The following RBFOX3 variants were observed in gnomAD, a reference collection of about 807,000 sequenced individuals.
RBFOX3 encodes RNA binding fox-1 homolog 3.
RBFOX3 carries 17 observed loss-of-function variants against 48.7 expected under a neutral mutation model. The observed-to-expected ratio is 0.35, with a 90% CI of 0.24 to 0.52. The LOEUF (loss-of-function observed/expected upper bound fraction) is 0.52. Among genes scored for constraint, RBFOX3 ranks in the 20% least tolerant of loss-of-function variants. The probability of loss-of-function intolerance (pLI) is 0.94; values close to 1 mark genes in which losing one functional copy is unlikely to be tolerated. For missense variants in RBFOX3, 382 were observed against 497.5 expected (o/e 0.77, Z 2.21); for synonymous variants, 212 against 209.5 (o/e 1.01, Z -0.10).
chr17:79,621,882 T>C, the RBFOX3 span, among the ~76,000 whole-genome samples: 2 of 150,080 alleles, frequency 1.3e-5, no homozygotes, highest in African/African-American at 2.5e-5. Flanking sequence ...TCATACAAGA[T>C]CGAGCGTGTG....
chr17:79,619,470 C>T, the RBFOX3 span, among the ~76,000 whole-genome samples: 1 of 152,206 alleles, frequency 6.6e-6, no homozygotes, highest in African/African-American at 2.4e-5. Context: ...GTCTCTCTGA[C>T]CTCCGCCTCT....
chr17:79,440,743 C>T (rs1045781683), intron 2 of RBFOX3, among the ~76,000 whole-genome samples: 1 of 152,182 alleles, frequency 6.6e-6, no homozygotes, highest in East Asian at 1.9e-4. Context: ...TGCCATACCC[C>T]CCTTCCCCAT....
intron 2 of RBFOX3, among the ~76,000 whole-genome samples, chr17:79,356,824 C>G (rs990132063): frequency 1.3e-5 from 2 of 152,240 alleles, no homozygotes; most frequent in Admixed American, 1.3e-4. Context: ...CAGTTTTCAC[C>G]TTGCAGTTAC....
chr17:79,545,137 A>G (rs2090241955), intron 1 of RBFOX3, among the ~76,000 whole-genome samples: 1 of 152,228 alleles, frequency 6.6e-6, no homozygotes, highest in African/African-American at 2.4e-5. Flanking sequence ...TGCTGAGAGC[A>G]TCTTTGATAT....
At position 79,361,618 on chromosome 17, in the gene RBFOX3, T is replaced by A. The variant is rs916250147; in HGVS notation, c.-174-53794A>T. The stretch of plus-strand genomic sequence containing the variant: ...TAAGGGACATGCCAGCCCACGTCCA[T>A]CTCTCCTCCTCCTCCCAGCATCCCC... On this transcript the variant is annotated intron_variant, in intron 2 of 14. Transcript: ENST00000693108. The surrounding 1 kb of genome is among the most constrained non-coding windows in gnomAD (Gnocchi z 4.5). 6.6e-6 allele frequency among the ~76,000 whole-genome samples: 1 copy of A among 152,080 alleles called. No homozygotes were observed. Among genetic ancestry groups the A allele is most frequent in the Non-Finnish European group, 1.5e-5 (1 of 68,010 alleles).
intron 4 of RBFOX3, among the ~76,000 whole-genome samples, chr17:79,230,643 C>T (rs2060925657): frequency 6.6e-6 from 1 of 152,194 alleles, no homozygotes; most frequent in African/African-American, 2.4e-5. Context: ...TAAGTTCCGG[C>T]TCCTGCAGAG....
At chr17:79,108,906 G>A (rs1276538382) in intron 5 of RBFOX3, among the ~76,000 whole-genome samples, 1 of 152,250 alleles carries the variant, frequency 6.6e-6, no homozygotes, top group Non-Finnish European at 1.5e-5. Context: ...AGGGCTGTAG[G>A]GCTGTGGAGC....
Position 79,094,541 on chromosome 17 carries a change from CGTGGGAGGGGGA to C in RBFOX3, c.999-24_999-13del. On this transcript the variant is annotated splice_polypyrimidine_tract_variant and intron_variant, in intron 13 of 14. Coordinates refer to ENST00000693108, the MANE Select transcript of RBFOX3 (RefSeq NM_001350451.2). ...AGACTCTGCCGTAACTAGGGAAGAG[CGTGGGAGGGGGA>C]GTGGGAGGAGGGTGGGGGAGGGGGG... The C allele has an allele frequency of 1.2e-5, 5 of 404,110 alleles. No homozygotes were observed. Among genetic ancestry groups the C allele is most frequent in the South Asian group, 5.4e-5 (1 of 18,614 alleles). The allele number at this position is 404,110 out of a possible 1,614,324, so 25.0% of individuals were successfully genotyped here.
chr17:79,221,909 G>A (rs1022411195), intron 4 of RBFOX3, among the ~76,000 whole-genome samples: 8 of 152,194 alleles, frequency 5.3e-5, no homozygotes, highest in Non-Finnish European at 1.2e-4. Context: ...GGGAAGGGTG[G>A]AGGTGCAGAT....
intron 2 of RBFOX3, among the ~76,000 whole-genome samples, chr17:79,467,623 A>T (rs2149341984): frequency 6.6e-6 from 1 of 152,280 alleles, no homozygotes; most frequent in South Asian, 2.1e-4. Context: ...GCCTAACTGC[A>T]GATGGTGGGG....
intron 6 of RBFOX3, 85 bp from the exon 7 acceptor site, chr17:79,104,211 G>T: frequency 8.4e-7 from 1 of 1,189,902 alleles, no homozygotes; most frequent in Non-Finnish European, 1.2e-6. Context: ...CTCCACTCCT[G>T]AGACGCTCAT....
chr17:79,512,548 C>T (rs1459671691), intron 1 of RBFOX3, among the ~76,000 whole-genome samples: 1 of 149,344 alleles, frequency 6.7e-6, no homozygotes, highest in Non-Finnish European at 1.5e-5. Context: ...TCGGGTACAG[C>T]CCCATGGCCA....
At chr17:79,225,135 T>C (rs2060164475) in intron 4 of RBFOX3, among the ~76,000 whole-genome samples, 2 of 152,072 alleles carry the variant, frequency 1.3e-5, no homozygotes. Context: ...CAGTCTTCAG[T>C]GAAAGGTGAC....
At chr17:79,096,138 G>A (rs899407895) in intron 12 of RBFOX3, among the ~76,000 whole-genome samples, 45 of 152,238 alleles carry the variant, frequency 3.0e-4, no homozygotes, top group African/African-American at 1.1e-3. Context: ...ACTGAAGGGT[G>A]GCTGGGTACA....
the RBFOX3 span, among the ~76,000 whole-genome samples, chr17:79,657,750 C>G: frequency 2.2e-4 from 33 of 152,214 alleles, no homozygotes; most frequent in African/African-American, 8.0e-4. Context: ...TGGGTCACCA[C>G]AAAAAATCAG....
At chr17:79,156,439 C>G (rs56345003) in intron 4 of RBFOX3, among the ~76,000 whole-genome samples, 3,035 of 152,198 alleles carry the variant, frequency 0.02, 78 homozygotes, top group African/African-American at 0.068. Flanking sequence ...CCACACACTG[C>G]GGGGGCAGGG....
In RBFOX3 at chr17:79,103,103, G is replaced by C. The variant is rs1248992321; in HGVS notation, c.507+59C>G. 2 of 1,301,352 alleles carry C rather than the reference G, an allele frequency of 1.5e-6. No homozygotes were observed. The highest frequency in any genetic ancestry group is 2.9e-5 in the African/African-American group (2 of 68,396). The allele number at this position is 1,301,352 out of a possible 1,614,324, so 80.6% of individuals were successfully genotyped here. A position where few individuals can be genotyped will look rare whatever the true frequency, so the allele number is the denominator to read the frequency against. On this transcript the variant is annotated intron_variant, in intron 8 of 14. Transcript: ENST00000693108. The surrounding 1 kb of genome is among the most constrained non-coding windows in gnomAD (Gnocchi z 6.1). ...GTGGCAGGGCTGGTTGGTTGGGGGA[G>C]CTGGGGGGCAGGTGGGCGATCTTGG...
chr17:79,269,321 G>A (rs569792255), intron 3 of RBFOX3, among the ~76,000 whole-genome samples: 1 of 152,276 alleles, frequency 6.6e-6, no homozygotes, highest in South Asian at 2.1e-4. Context: ...AACTGGGAGA[G>A]GAGGCATTTC....
At chr17:79,344,037 G>C (rs1385887268) in intron 2 of RBFOX3, among the ~76,000 whole-genome samples, 1 of 152,164 alleles carries the variant, frequency 6.6e-6, no homozygotes, top group South Asian at 2.1e-4. Flanking sequence ...TCTGTGACAA[G>C]GACAAACACT....
Sources: gnomAD v4.1 joint callset for allele counts (sites outside exome capture counted in the v4.1 genomes callset) on GRCh38, gnomAD v4.1.1 for gene constraint, Gnocchi (gnomAD v3.1) non-coding constraint, MANE v1.5 for transcripts, NCBI Gene and HGNC (gene_info 2026-07-23, HGNC 2026-07-21) for gene names.